Variants in AFAP1L2 observed in about 807,000 individuals in gnomAD.
AFAP1L2 encodes actin filament-associated protein 1-like 2.
AFAP1L2 carries 46 observed loss-of-function variants against 99.3 expected under a neutral mutation model. That is an observed-to-expected ratio of 0.46 (90% CI 0.37 to 0.59). The LOEUF (loss-of-function observed/expected upper bound fraction) is 0.59, where lower values mean the gene tolerates loss of function less well. Ranked by LOEUF, AFAP1L2 falls within the 20% of genes least tolerant of loss-of-function variation. The pLI is 0.00. For synonymous variants in AFAP1L2, 397 were observed against 419.1 expected, an observed-to-expected ratio of 0.95 and a Z score of 0.64; for missense variants, 959 against 1,034.9, an observed-to-expected ratio of 0.93 and a Z score of 1.01.
intron 13 of AFAP1L2, 130 bp from the exon 14 acceptor site, chr10:114,300,820 GGGGGGCCACTGGCTGA>G: frequency 1.5e-6 from 2 of 1,307,834 alleles, no homozygotes; most frequent in East Asian, 4.7e-5. Flanking sequence ...CTCCCTGCTG[GGGGGGCCACTGGCTGA>G]GTCCTAGATA....
intron 1 of AFAP1L2, among the ~76,000 whole-genome samples, chr10:114,382,607 T>TTTTTTTTTTTC (rs2055829534): frequency 6.7e-6 from 1 of 149,264 alleles, no homozygotes. Flanking sequence ...TTTTTTTTTT[T>TTTTTTTTTTTC]TTTGAGACCG....
intron 4 of AFAP1L2, among the ~76,000 whole-genome samples, chr10:114,329,013 T>C (rs2046849672): frequency 6.6e-6 from 1 of 152,198 alleles, no homozygotes; most frequent in Admixed American, 6.5e-5. Flanking sequence ...GGAGCTGCCT[T>C]TTCCTGTCAA....
intron 1 of AFAP1L2, among the ~76,000 whole-genome samples, chr10:114,385,269 G>A (rs1272316145): frequency 6.6e-6 from 1 of 152,170 alleles, no homozygotes; most frequent in Non-Finnish European, 1.5e-5. Context: ...TATTTCATCA[G>A]GCCAGGGATC....
intron 1 of AFAP1L2, among the ~76,000 whole-genome samples, chr10:114,370,092 C>T (rs1371860233): frequency 6.6e-6 from 1 of 152,178 alleles, no homozygotes; most frequent in Non-Finnish European, 1.5e-5. Flanking sequence ...ATACTAGTGT[C>T]TCAAGTTTTC....
At chr10:114,394,832 T>C (rs1423774256) in intron 1 of AFAP1L2, among the ~76,000 whole-genome samples, 2 of 152,114 alleles carry the variant, frequency 1.3e-5, no homozygotes, top group African/African-American at 4.8e-5. Flanking sequence ...TTCCACCGAC[T>C]CCTGGGAGAC....
chr10:114,295,095 C>T lies in AFAP1L2; in HGVS notation c.*947G>A, dbSNP rs191585309. ...AACAGCACTGCCAATTTTAAGAGGGCGATCACCCTAACCAAAAATCACCAC... is the reference window on the plus strand; with the variant it reads ...AACAGCACTGCCAATTTTAAGAGGGTGATCACCCTAACCAAAAATCACCAC... On this transcript the variant is annotated 3_prime_UTR_variant, in exon 19 of 19. Coordinates refer to ENST00000304129, the MANE Select transcript of AFAP1L2 (RefSeq NM_001001936.3). 3.2e-4 allele frequency: 314 copies of T among 983,944 alleles called. 4 individuals are homozygous for T. The highest frequency in any genetic ancestry group is 5.2e-4 in the Middle Eastern group (1 of 1,906). 61.0% of individuals were successfully genotyped at this position (983,944 alleles called of 1,614,324 possible).
intron 5 of AFAP1L2, among the ~76,000 whole-genome samples, chr10:114,319,949 G>A (rs981884491): frequency 6.6e-6 from 1 of 152,212 alleles, no homozygotes; most frequent in African/African-American, 2.4e-5. Flanking sequence ...CTGTTAAGAA[G>A]CAGATAGGGG....
At position 114,335,771 on chromosome 10, in the gene AFAP1L2, T is replaced by C. The variant is rs569027388; in HGVS notation, c.146-2476A>G. 1.3e-4 allele frequency among the ~76,000 whole-genome samples: 20 copies of C among 152,276 alleles called. No homozygotes were observed. In the East Asian group the frequency reaches 3.9e-3, roughly 29 times the overall value. ...TAGAGTTTAATTATAAGATCATGTT[T>C]CAGAATAGCAAAAAAAGAAACAGTA... On this transcript the variant is annotated intron_variant, in intron 2 of 18. Coordinates refer to ENST00000304129, the MANE Select transcript of AFAP1L2 (RefSeq NM_001001936.3).
chr10:114,341,611 CA>C (rs5788058), intron 1 of AFAP1L2, among the ~76,000 whole-genome samples: 16 of 135,722 alleles, frequency 1.2e-4, no homozygotes, highest in African/African-American at 1.7e-4. Flanking sequence ...GACTCCATCT[CA>C]AAAAAAAAAA....
At chr10:114,305,990 T>A (rs1242363235) in intron 10 of AFAP1L2, among the ~76,000 whole-genome samples, 1 of 80,064 alleles carries the variant, frequency 1.2e-5, no homozygotes, top group African/African-American at 7.2e-5. Flanking sequence ...GGGTCGGGGC[T>A]GCAGGAGGGG....
chr10:114,303,894 C>T (rs930866229), intron 11 of AFAP1L2, among the ~76,000 whole-genome samples: 2 of 152,238 alleles, frequency 1.3e-5, no homozygotes, highest in African/African-American at 4.8e-5. Flanking sequence ...ACCCTCCCCA[C>T]TTCTTTCCAG....
chr10:114,295,592 C>A lies in AFAP1L2; in HGVS notation c.*450G>T. 1.0e-6 allele frequency: 1 copy of A among 988,246 alleles called. No homozygotes were observed. Among genetic ancestry groups the A allele is most frequent in the African/African-American group, 1.7e-5 (1 of 57,380 alleles). 61.2% of individuals were successfully genotyped at this position (988,246 alleles called of 1,614,324 possible). A position where few individuals can be genotyped will look rare whatever the true frequency, so the allele number is the denominator to read the frequency against. On this transcript the variant is annotated 3_prime_UTR_variant, in exon 19 of 19. Transcript: ENST00000304129. ...ACTGAAGGCAAGGATGGTTTAATCC[C>A]CAACTGCTAAGTATTGGATAAGAGA...
chr10:114,294,275 A>C (rs976423032), downstream of AFAP1L2, among the ~76,000 whole-genome samples: 1 of 152,224 alleles, frequency 6.6e-6, no homozygotes, highest in African/African-American at 2.4e-5. Flanking sequence ...TATCAGAGCT[A>C]TACTAACCTT....
chr10:114,300,526 A>G lies in AFAP1L2; in HGVS notation c.1707T>C (p.Thr569=). 6.2e-7 allele frequency: 1 copy of G among 1,614,172 alleles called. No individual in the cohort carries two copies. The highest frequency in any genetic ancestry group is 8.5e-7 in the Non-Finnish European group (1 of 1,180,028). ...GGCCTGAGTCTGCCGGGAGGGCCTC[A>G]GTTGCATTGTCCAGGCAGGACAACG... ...SPTLSCLDNA[T]EALPADSGPG... Residue 569 remains threonine (T), a synonymous_variant, in exon 14 of 19, where the codon ACT becomes ACC. Transcript: ENST00000304129.
intron 11 of AFAP1L2, among the ~76,000 whole-genome samples, chr10:114,302,919 C>T (rs1463564605): frequency 2.0e-5 from 3 of 152,176 alleles, no homozygotes; most frequent in Non-Finnish European, 4.4e-5. Flanking sequence ...CCATATACAA[C>T]AAGACTTCCT....
chr10:114,286,201 C>G, the AFAP1L2 span: 3 of 1,613,846 alleles, frequency 1.9e-6, no homozygotes, highest in East Asian at 2.2e-5. Context: ...GTGGCCCCAC[C>G]CTGACGGGCA....
At chr10:114,345,210 T>C (rs1018967563) in intron 1 of AFAP1L2, among the ~76,000 whole-genome samples, 23 of 128,538 alleles carry the variant, frequency 1.8e-4, no homozygotes, top group African/African-American at 6.9e-4. Flanking sequence ...CGGGGGAACA[T>C]GGAGCATCGA....
At chr10:114,312,501 C>T (rs976035686) in intron 7 of AFAP1L2, among the ~76,000 whole-genome samples, 4 of 152,110 alleles carry the variant, frequency 2.6e-5, no homozygotes, top group African/African-American at 9.7e-5. Flanking sequence ...CCAGGACAAG[C>T]CCCCCATTCC....
chr10:114,313,850 G>A (rs747370163), intron 7 of AFAP1L2, 21 bp downstream of exon 7: 1 of 1,575,606 alleles, frequency 6.3e-7, no homozygotes. Context: ...ACCCCTCCAA[G>A]TGGCTCGGTG....
Sources: gnomAD v4.1 joint callset for allele counts (sites outside exome capture counted in the v4.1 genomes callset) on GRCh38, gnomAD v4.1.1 for gene constraint, MANE v1.5 for transcripts, NCBI Gene and HGNC (gene_info 2026-07-23, HGNC 2026-07-21) for gene names.